Variants in FARS2 observed in about 807,000 individuals in gnomAD.
FARS2 encodes the protein phenylalanine--tRNA ligase, mitochondrial.
FARS2 carries 40 observed loss-of-function variants against 46.4 expected under a neutral mutation model. The observed-to-expected ratio is 0.86, with a 90% CI of 0.67 to 1.12. The LOEUF (loss-of-function observed/expected upper bound fraction) is 1.12, where lower values mean the gene tolerates loss of function less well. Ranked by LOEUF, FARS2 falls within the 50% of genes most tolerant of loss-of-function variation. The pLI is 0.00. For synonymous variants in FARS2, 234 were observed against 214.9 expected (o/e 1.09, Z -0.78); for missense variants, 513 against 567.9 (o/e 0.90, Z 0.98).
Position 5,559,003 on chromosome 6 carries a change from C to T in FARS2, c.1065+13663C>T, listed in dbSNP as rs1256997991. ...TTTTAAAATGATGATATGTTCTAAA[C>T]GTATATTTCTGGATTTAACTTGCTG... On this transcript the variant is annotated intron_variant, in intron 5 of 6. Coordinates refer to ENST00000274680, the MANE Select transcript of FARS2 (RefSeq NM_006567.5). Among the ~76,000 whole-genome samples, 5 of 152,068 alleles carry T rather than the reference C, an allele frequency of 3.3e-5. No individual in the cohort carries two copies. The East Asian group carries it at 5.8e-4, about 18-fold the overall frequency.
At chr6:5,290,353 A>G (rs559748108) in intron 1 of FARS2, among the ~76,000 whole-genome samples, 13 of 152,340 alleles carry the variant, frequency 8.5e-5, no homozygotes, top group African/African-American at 1.7e-4. Context: ...GACAGAAACC[A>G]TGGTATCTCA....
chr6:5,278,903 T>C lies in FARS2; in HGVS notation c.-22+17243T>C, dbSNP rs535046628. Among the ~76,000 whole-genome samples the C allele has an allele frequency of 2.6e-5, 4 of 152,314 alleles. No individual in the cohort carries two copies. In the East Asian group the frequency reaches 7.7e-4, roughly 29 times the overall value. On this transcript the variant is annotated intron_variant, in intron 1 of 6. Transcript: ENST00000274680. ...GAGAGGAGGATAGAGTCTTCAGGCA[T>C]CCTCAGGAGGCCTTGAGTGCACAAC... is the stretch of plus-strand genomic sequence containing the variant.
chr6:5,644,094 T>A (rs1320923536), intron 6 of FARS2, among the ~76,000 whole-genome samples: 1 of 152,174 alleles, frequency 6.6e-6, no homozygotes, highest in East Asian at 1.9e-4. Context: ...TGTCTTCATT[T>A]GTCATTAAGA....
rs980358000 is a variant in FARS2 at position 5,311,583 on chromosome 6, CTTTA to C, written c.-22+49927_-22+49930del. 1.3e-5 allele frequency among the ~76,000 whole-genome samples: 2 copies of C among 152,098 alleles called. No individual in the cohort carries two copies. The highest frequency in any genetic ancestry group is 2.9e-5 in the Non-Finnish European group (2 of 68,020). ...TAGAAAAAAATTTCCATAAAATGTT[CTTTA>C]TTTGTTGACTGTGGTATTGGCCTCA... is the stretch of plus-strand genomic sequence containing the variant. On this transcript the variant is annotated intron_variant, in intron 1 of 6. Transcript: ENST00000274680. This position sits in a 1 kb window ranked among gnomAD's most constrained non-coding sequence, Gnocchi z 4.1.
intron 3 of FARS2, among the ~76,000 whole-genome samples, chr6:5,415,270 G>A (rs1762160835): frequency 6.8e-6 from 1 of 148,144 alleles, no homozygotes; most frequent in Admixed American, 6.7e-5. Context: ...GAGTGTAGTG[G>A]TATCTGATTA....
chr6:5,655,920 T>G (rs1470579232), intron 6 of FARS2, among the ~76,000 whole-genome samples: 1 of 152,232 alleles, frequency 6.6e-6, no homozygotes, highest in East Asian at 1.9e-4. Flanking sequence ...CTCACTTCCC[T>G]GTTATAAAGT....
intron 6 of FARS2, among the ~76,000 whole-genome samples, chr6:5,737,937 G>C (rs531491269): frequency 6.6e-6 from 1 of 152,228 alleles, no homozygotes; most frequent in African/African-American, 2.4e-5. Context: ...TTCAGAATTC[G>C]TTGTTATTAT....
intron 3 of FARS2, among the ~76,000 whole-genome samples, chr6:5,426,745 C>T (rs2127760480): frequency 6.6e-6 from 1 of 152,304 alleles, no homozygotes; most frequent in Non-Finnish European, 1.5e-5. Context: ...CGTGACTCAG[C>T]CTCCCAAGTA....
At chr6:5,446,120 G>A (rs141321325) in intron 4 of FARS2, among the ~76,000 whole-genome samples, 4,587 of 151,890 alleles carry the variant, frequency 0.03, 102 homozygotes, top group South Asian at 0.069. Context: ...GGAGAATGCC[G>A]TGAATCTGGG....
intron 2 of FARS2, among the ~76,000 whole-genome samples, chr6:5,373,914 G>GA (rs1037532518): frequency 8.2e-5 from 11 of 134,934 alleles, no homozygotes; most frequent in South Asian, 2.4e-4. Flanking sequence ...TATTTTTAAA[G>GA]AAAAAAAAAC....
chr6:5,263,611 C>G (rs1230079499), intron 1 of FARS2, among the ~76,000 whole-genome samples: 2 of 152,150 alleles, frequency 1.3e-5, no homozygotes, highest in Admixed American at 1.3e-4. Context: ...AATAGTCATT[C>G]TATTCTGGGT....
At chr6:5,318,399 A>C (rs959871148) in intron 1 of FARS2, among the ~76,000 whole-genome samples, 5 of 149,956 alleles carry the variant, frequency 3.3e-5, no homozygotes, top group Non-Finnish European at 6.0e-5. Flanking sequence ...AAAAAAAAAA[A>C]AAAAAAAACC....
At chr6:5,676,459 G>A in intron 6 of FARS2, among the ~76,000 whole-genome samples, 1 of 152,116 alleles carries the variant, frequency 6.6e-6, no homozygotes, top group East Asian at 1.9e-4. Flanking sequence ...ACATGCCTGT[G>A]GTGTCCGAGT....
chr6:5,710,237 A>G (rs13207857), intron 6 of FARS2, among the ~76,000 whole-genome samples: 71,740 of 151,722 alleles, frequency 0.47, 17,902 homozygotes, highest in Non-Finnish European at 0.57. Context: ...ACAACGCAGC[A>G]TGGTCCAAGC....
intron 1 of FARS2, among the ~76,000 whole-genome samples, chr6:5,347,352 ATTG>A (rs1380001780): frequency 2.0e-5 from 3 of 152,056 alleles, no homozygotes; most frequent in Non-Finnish European, 4.4e-5. Context: ...AGAAGTCGGT[ATTG>A]TTCTGATTTT....
chr6:5,260,955 C>T, upstream of FARS2: 2 of 1,318,402 alleles, frequency 1.5e-6, no homozygotes, highest in South Asian at 1.7e-5. Context: ...GGGCTCGGGG[C>T]AGCTAAGGGG....
intron 6 of FARS2, among the ~76,000 whole-genome samples, chr6:5,629,450 G>A (rs1253382379): frequency 6.6e-6 from 1 of 151,930 alleles, no homozygotes; most frequent in Non-Finnish European, 1.5e-5. Flanking sequence ...GTATATGTCT[G>A]TCTTTGTACA....
chr6:5,281,097 G>A (rs917773582), intron 1 of FARS2, among the ~76,000 whole-genome samples: 2 of 152,128 alleles, frequency 1.3e-5, no homozygotes, highest in Admixed American at 6.5e-5. Context: ...AGGGCTAACC[G>A]TTGTCAGCAA....
intron 3 of FARS2, among the ~76,000 whole-genome samples, chr6:5,414,334 C>T (rs1476404918): frequency 6.6e-6 from 1 of 152,096 alleles, no homozygotes. Flanking sequence ...CACACTAAAC[C>T]ATCACCACAA....
Sources: allele counts gnomAD v4.1 joint callset (sites outside exome capture counted in the v4.1 genomes callset), GRCh38; gene constraint gnomAD v4.1.1; non-coding constraint Gnocchi (gnomAD v3.1); transcripts MANE v1.5; gene names NCBI Gene and HGNC (gene_info 2026-07-23, HGNC 2026-07-21).